Variants in NCSTN observed in about 807,000 individuals in gnomAD.
NCSTN encodes nicastrin, also known as anterior pharynx-defective 2.
A neutral mutation model predicts 87.0 loss-of-function variants in NCSTN; 22 were observed. The ratio of observed to expected loss-of-function variants is 0.25; its 90% CI spans 0.18 to 0.36. The LOEUF (loss-of-function observed/expected upper bound fraction) is 0.36. Ranked by LOEUF, NCSTN falls within the 10% of genes least tolerant of loss-of-function variation. The pLI, the probability that NCSTN is intolerant of heterozygous loss-of-function variation, is 1.00. For synonymous variants in NCSTN, 306 were observed against 327.1 expected (o/e 0.94, Z 0.69); for missense variants, 693 against 883.3 (o/e 0.78, Z 2.73).
At chr1:160,354,085 C>G (rs754388037) in intron 10 of NCSTN, 33 bp from the exon 11 acceptor site, 1 of 1,606,028 alleles carries the variant, frequency 6.2e-7, no homozygotes, top group Admixed American at 1.7e-5. Context: ...ATCCCCCAGC[C>G]TCCCATCAGT....
intron 5 of NCSTN, 42 bp from the exon 6 acceptor site, chr1:160,351,180 C>T (rs1648816991): frequency 1.9e-6 from 3 of 1,612,448 alleles, no homozygotes; most frequent in Non-Finnish European, 2.5e-6. Flanking sequence ...GGGAGGGCCT[C>T]CACAAACTAG....
chr1:160,353,207 T>C lies in NCSTN; in HGVS notation c.1149T>C (p.Val383=). 1 of 1,614,156 alleles carries C rather than the reference T, an allele frequency of 6.2e-7. No individual in the cohort carries two copies. Among genetic ancestry groups the C allele is most frequent in the South Asian group, 1.1e-5 (1 of 91,076 alleles). Reference sequence around the variant, plus strand: ...AGCTTTGGATGCACACAGATCCTGTTTCTCAGAAAAATGAGTCTGTACGGA... The same window carrying C: ...AGCTTTGGATGCACACAGATCCTGTCTCTCAGAAAAATGAGTCTGTACGGA... ...SLELWMHTDP[V]SQKNESVRNQ... is the part of the protein sequence containing the mutation. The change falls in exon 10 of 17, where the codon GTT becomes GTC. Residue 383 remains valine (V), a synonymous_variant. Coordinates refer to ENST00000294785, the MANE Select transcript of NCSTN (RefSeq NM_015331.3).
chr1:160,356,508 C>A, intron 14 of NCSTN, 92 bp from the exon 15 acceptor site: 1 of 1,530,314 alleles, frequency 6.5e-7, no homozygotes, highest in Non-Finnish European at 9.0e-7. Flanking sequence ...TTTTCCATTG[C>A]CCTTCTTTCT....
intron 3 of NCSTN, among the ~76,000 whole-genome samples, 153 bp downstream of exon 3, chr1:160,349,275 A>G (rs557565017): frequency 1.3e-5 from 2 of 152,242 alleles, no homozygotes; most frequent in South Asian, 4.1e-4. Context: ...TGTACCATCA[A>G]AAGAAATGAT....
chr1:160,345,560 G>A (rs1243568094), intron 2 of NCSTN, among the ~76,000 whole-genome samples: 10 of 152,272 alleles, frequency 6.6e-5, no homozygotes, highest in Non-Finnish European at 1.2e-4. Flanking sequence ...ATTCTATGGT[G>A]TCCAGTTATC....
chr1:160,352,329 G>A, intron 8 of NCSTN, 123 bp downstream of exon 8: 1 of 1,226,674 alleles, frequency 8.2e-7, no homozygotes, highest in Non-Finnish European at 1.2e-6. Context: ...CAGAGCTTCT[G>A]GATGTGTCTA....
At chr1:160,356,496 C>G (rs755966989) in intron 14 of NCSTN, 104 bp from the exon 15 acceptor site, 5 of 1,490,778 alleles carry the variant, frequency 3.4e-6, no homozygotes, top group Non-Finnish European at 4.7e-6. Context: ...TTTGATGGAT[C>G]CTTTTCCATT....
intron 6 of NCSTN, 55 bp downstream of exon 6, chr1:160,351,427 A>G: frequency 6.3e-7 from 1 of 1,582,636 alleles, no homozygotes; most frequent in Non-Finnish European, 8.7e-7. Flanking sequence ...GGGAGAGTGG[A>G]ACCAGGCCAG....
intron 2 of NCSTN, among the ~76,000 whole-genome samples, chr1:160,346,315 C>T (rs1211857085): frequency 1.3e-5 from 2 of 152,182 alleles, no homozygotes; most frequent in African/African-American, 2.4e-5. Flanking sequence ...GGAGTACTTG[C>T]ATAAAGCTGA....
At chr1:160,356,532 CTT>C in intron 14 of NCSTN, 66 bp from the exon 15 acceptor site, 1 of 1,594,910 alleles carries the variant, frequency 6.3e-7, no homozygotes. Flanking sequence ...TGCTGCCAAT[CTT>C]GGGCTTTTCC....
intron 11 of NCSTN, 102 bp from the exon 12 acceptor site, chr1:160,355,553 T>C (rs1649083109): frequency 2.3e-6 from 2 of 866,788 alleles, no homozygotes; most frequent in East Asian, 4.8e-5. Flanking sequence ...CTTCTGATGC[T>C]GAAAATGAGA....
chr1:160,350,873 G>A (rs2101901060), intron 5 of NCSTN, among the ~76,000 whole-genome samples: 1 of 152,220 alleles, frequency 6.6e-6, no homozygotes, highest in Middle Eastern at 3.4e-3. Flanking sequence ...TGATCTCCAA[G>A]CTGTGTCATA....
At chr1:160,351,631 T>C in intron 6 of NCSTN, 65 bp from the exon 7 acceptor site, 1 of 1,431,228 alleles carries the variant, frequency 7.0e-7, no homozygotes, top group South Asian at 1.1e-5. Flanking sequence ...AGATTTCCAA[T>C]GTTGCCTTTA....
In NCSTN at chr1:160,358,518, G is replaced by A; in HGVS notation, c.*247G>A. The A allele has an allele frequency of 1.8e-6, 1 of 551,858 alleles. No homozygotes were observed. The highest frequency in any genetic ancestry group is 3.2e-6 in the Non-Finnish European group (1 of 309,562). 34.2% of individuals were successfully genotyped at this position (551,858 alleles called of 1,614,324 possible). A position where few individuals can be genotyped will look rare whatever the true frequency, so the allele number is the denominator to read the frequency against. ...CTTCTCTACTCATGCCAGATTTTGG[G>A]ATTACAAATAGAAGCTTCTTGCTCC... On this transcript the variant is annotated 3_prime_UTR_variant, in exon 17 of 17. Coordinates refer to ENST00000294785, the MANE Select transcript of NCSTN (RefSeq NM_015331.3).
At position 160,349,389 on chromosome 1, in the gene NCSTN, G is replaced by C. The variant is rs1029123403; in HGVS notation, c.315-160G>C. 1.3e-5 allele frequency: 15 copies of C among 1,120,192 alleles called. No homozygotes were observed. In the African/African-American group the frequency reaches 1.5e-4, roughly 11 times the overall value. 69.4% of individuals were successfully genotyped at this position (1,120,192 alleles called of 1,614,324 possible). A position where few individuals can be genotyped will look rare whatever the true frequency, so the allele number is the denominator to read the frequency against. On this transcript the variant is annotated intron_variant, in intron 3 of 16. Coordinates refer to ENST00000294785, the MANE Select transcript of NCSTN (RefSeq NM_015331.3). Reference sequence around the variant, plus strand: ...ACTCACTAAAGCTCTACTTTTTAGAGCAGATCATTGTCCAGACTCAGAATT... The same window carrying C: ...ACTCACTAAAGCTCTACTTTTTAGACCAGATCATTGTCCAGACTCAGAATT...
Position 160,355,880 on chromosome 1 carries a change from C to T in NCSTN, c.1473C>T (p.Ala491=). The change falls in exon 13 of 17, where the codon GCC becomes GCT. Residue 491 remains alanine (A), a synonymous_variant. Coordinates refer to ENST00000294785, the MANE Select transcript of NCSTN (RefSeq NM_015331.3). The part of the protein sequence containing the change: ...TDTAKALADV[A]TVLGRALYEL... ...TACCACAGGCCCTGGCAGATGTGGC[C>T]ACGGTGCTGGGACGTGCTCTGTATG... The T allele has an allele frequency of 1.2e-6, 2 of 1,614,164 alleles. No homozygotes were observed. Among genetic ancestry groups the T allele is most frequent in the South Asian group, 1.1e-5 (1 of 91,086 alleles).
intron 16 of NCSTN, 22 bp from the exon 17 acceptor site, chr1:160,358,127 C>T (rs1453915165): frequency 1.2e-6 from 2 of 1,614,064 alleles, no homozygotes; most frequent in Non-Finnish European, 8.5e-7. Flanking sequence ...TTTGTCCTTT[C>T]CTGCCCTCCC....
chr1:160,358,697 A>G lies in NCSTN; in HGVS notation c.*426A>G. 1 of 293,504 alleles carries G rather than the reference A, an allele frequency of 3.4e-6. No individual in the cohort carries two copies. Among genetic ancestry groups the G allele is most frequent in the East Asian group, 8.6e-5 (1 of 11,584 alleles). 18.2% of individuals were successfully genotyped at this position (293,504 alleles called of 1,614,324 possible). A position where few individuals can be genotyped will look rare whatever the true frequency, so the allele number is the denominator to read the frequency against. Reference sequence around the variant, plus strand: ...ACATAAAAGGTTTAATGTCAGGGTCAAACTACATTGAGCCCCTGAGGACAG... The same window carrying G: ...ACATAAAAGGTTTAATGTCAGGGTCGAACTACATTGAGCCCCTGAGGACAG... On this transcript the variant is annotated 3_prime_UTR_variant, in exon 17 of 17. Coordinates refer to ENST00000294785, the MANE Select transcript of NCSTN (RefSeq NM_015331.3).
intron 2 of NCSTN, among the ~76,000 whole-genome samples, chr1:160,346,827 GA>G (rs1191496382): frequency 1.3e-5 from 2 of 151,974 alleles, no homozygotes; most frequent in African/African-American, 4.8e-5. Flanking sequence ...GGCTGGTCTC[GA>G]ACCCCTGACC....
Sources: gnomAD v4.1 joint callset for allele counts (sites outside exome capture counted in the v4.1 genomes callset) on GRCh38, gnomAD v4.1.1 for gene constraint, MANE v1.5 for transcripts, NCBI Gene and HGNC (gene_info 2026-07-23, HGNC 2026-07-21) for gene names.